Variants in SHISA6 observed in about 807,000 individuals in gnomAD.
The protein encoded by SHISA6 is protein shisa-6.
A neutral mutation model predicts 47.9 loss-of-function variants in SHISA6; 22 were observed. The observed-to-expected ratio is 0.46, with a 90% CI of 0.33 to 0.66. The LOEUF (loss-of-function observed/expected upper bound fraction) is 0.66, where lower values mean the gene tolerates loss of function less well. Among genes scored for constraint, SHISA6 ranks in the 30% least tolerant of loss-of-function variants. The pLI, the probability that SHISA6 is intolerant of heterozygous loss-of-function variation, is 0.02. For synonymous variants in SHISA6, 388 were observed against 337.8 expected, an observed-to-expected ratio of 1.15 and a Z score of -1.63; for missense variants, 680 against 764.6, an observed-to-expected ratio of 0.89 and a Z score of 1.30.
intron 2 of SHISA6, among the ~76,000 whole-genome samples, chr17:11,334,255 A>C (rs1183905453): frequency 1.3e-5 from 2 of 152,172 alleles, no homozygotes; most frequent in African/African-American, 2.4e-5. Context: ...TAGGTAGTAA[A>C]TATCAGAATT....
intron 2 of SHISA6, among the ~76,000 whole-genome samples, chr17:11,345,883 A>G (rs1015223865): frequency 7.3e-5 from 11 of 151,274 alleles, no homozygotes; most frequent in African/African-American, 2.7e-4. Flanking sequence ...GATTTTCTAT[A>G]TAAAAGATTA....
In SHISA6 at chr17:11,555,979, A is replaced by G. The variant is rs189202385; in HGVS notation, c.1105+87A>G. 5.9e-4 allele frequency: 806 copies of G among 1,373,020 alleles called. 6 individuals carry two copies. The African/African-American group carries it at 9.0e-3, about 15-fold the overall frequency. The allele number at this position is 1,373,020 out of a possible 1,614,324, so 85.1% of individuals were successfully genotyped here. A position where few individuals can be genotyped will look rare whatever the true frequency, so the allele number is the denominator to read the frequency against. On this transcript the variant is annotated intron_variant, in intron 5 of 5. Coordinates refer to ENST00000441885, the MANE Select transcript of SHISA6 (RefSeq NM_207386.4). ...CACACTCTCTTGCTCCATACCCCAT[A>G]GGACAGCTGTCAAATCCCAAGAATA...
chr17:11,361,913 C>G (rs1400242743), intron 2 of SHISA6, among the ~76,000 whole-genome samples: 2 of 152,094 alleles, frequency 1.3e-5, no homozygotes, highest in African/African-American at 4.8e-5. Context: ...TGTGGAAACT[C>G]AGAGATGGGG....
chr17:11,340,826 T>G (rs2142212561), intron 2 of SHISA6, among the ~76,000 whole-genome samples: 1 of 152,252 alleles, frequency 6.6e-6, no homozygotes, highest in Middle Eastern at 3.4e-3. Flanking sequence ...CAGTGACACA[T>G]GGAAGGAGAA....
intron 3 of SHISA6, among the ~76,000 whole-genome samples, chr17:11,546,574 G>A (rs888447383): frequency 3.2e-4 from 49 of 152,184 alleles, no homozygotes; most frequent in African/African-American, 1.1e-3. Flanking sequence ...AGCTGGGATG[G>A]CAATATAAAT....
intron 3 of SHISA6, among the ~76,000 whole-genome samples, chr17:11,507,936 G>C (rs2071513519): frequency 6.6e-6 from 1 of 152,206 alleles, no homozygotes; most frequent in African/African-American, 2.4e-5. Context: ...CCACACACAG[G>C]AGACATGAGG....
intron 3 of SHISA6, among the ~76,000 whole-genome samples, chr17:11,537,690 G>A (rs1399068312): frequency 6.6e-6 from 1 of 152,144 alleles, no homozygotes; most frequent in Admixed American, 6.5e-5. Context: ...ATGGCCTCTT[G>A]TTCATTTTCT....
intron 2 of SHISA6, among the ~76,000 whole-genome samples, chr17:11,358,423 G>C (rs1454751074): frequency 2.0e-5 from 3 of 150,758 alleles, no homozygotes. Flanking sequence ...GCAGTGGTGC[G>C]ATCGCCACTC....
intron 3 of SHISA6, among the ~76,000 whole-genome samples, chr17:11,545,361 T>G (rs1181333238): frequency 1.3e-5 from 2 of 152,110 alleles, no homozygotes; most frequent in Non-Finnish European, 2.9e-5. Context: ...AATGAACGAT[T>G]TATTGGTTGC....
chr17:11,495,519 C>A (rs1468332495), intron 3 of SHISA6, among the ~76,000 whole-genome samples: 1 of 152,174 alleles, frequency 6.6e-6, no homozygotes, highest in Non-Finnish European at 1.5e-5. Context: ...TGTGCTCCTT[C>A]TGTTTGTTGC....
At chr17:11,272,114 T>TG in intron 2 of SHISA6, among the ~76,000 whole-genome samples, 1 of 152,244 alleles carries the variant, frequency 6.6e-6, no homozygotes, top group African/African-American at 2.4e-5. Flanking sequence ...CCCACAGTTT[T>TG]GGGGGGTTCT....
intron 5 of SHISA6, among the ~76,000 whole-genome samples, chr17:11,556,315 C>G (rs1226794123): frequency 6.6e-6 from 1 of 152,174 alleles, no homozygotes; most frequent in Admixed American, 6.5e-5. Context: ...AGCTCCTTCT[C>G]CAACCCAGCC....
At chr17:11,350,972 A>G (rs940015393) in intron 2 of SHISA6, among the ~76,000 whole-genome samples, 18 of 152,210 alleles carry the variant, frequency 1.2e-4, no homozygotes, top group Admixed American at 3.9e-4. Flanking sequence ...ATAAAAAAGA[A>G]TGAGTTCATG....
chr17:11,408,994 G>A (rs1914039414), intron 3 of SHISA6, among the ~76,000 whole-genome samples: 1 of 152,046 alleles, frequency 6.6e-6, no homozygotes, highest in Admixed American at 6.5e-5. Flanking sequence ...AGAGCAAATG[G>A]AACCAGCACA....
At chr17:11,380,659 A>C (rs1912978167) in intron 3 of SHISA6, among the ~76,000 whole-genome samples, 1 of 152,196 alleles carries the variant, frequency 6.6e-6, no homozygotes, top group Non-Finnish European at 1.5e-5. Context: ...TTTACTCTCA[A>C]ACTTAGCGTT....
At chr17:11,365,480 G>A (rs1270568552) in intron 2 of SHISA6, among the ~76,000 whole-genome samples, 4 of 152,146 alleles carry the variant, frequency 2.6e-5, no homozygotes, top group Non-Finnish European at 4.4e-5. Flanking sequence ...GTTTTACCAT[G>A]TTGGCCAGGC....
chr17:11,252,848 T>C (rs145593962), intron 1 of SHISA6, among the ~76,000 whole-genome samples: 4 of 152,334 alleles, frequency 2.6e-5, no homozygotes, highest in East Asian at 1.9e-4. Context: ...CCACCTTCCC[T>C]GTTGGACTCA....
In SHISA6 at chr17:11,530,101, T is replaced by C. The variant is rs550606238; in HGVS notation, c.896-21795T>C. Among the ~76,000 whole-genome samples, 5 of 152,266 alleles carry C rather than the reference T, an allele frequency of 3.3e-5. No homozygotes were observed. In the South Asian group the frequency reaches 1.0e-3, roughly 32 times the overall value. ...GAATCAGAATTCTAATTCAGCACAT[T>C]TCTGACACCTTGAAATTAGAACCCC... On this transcript the variant is annotated intron_variant, in intron 3 of 5. Transcript: ENST00000441885.
intron 3 of SHISA6, among the ~76,000 whole-genome samples, chr17:11,406,158 A>G (rs1349221549): frequency 6.6e-6 from 1 of 152,208 alleles, no homozygotes; most frequent in African/African-American, 2.4e-5. Flanking sequence ...AGCAACCTGC[A>G]TGGTACATTT....
Sources: allele counts gnomAD v4.1 joint callset (sites outside exome capture counted in the v4.1 genomes callset), GRCh38; gene constraint gnomAD v4.1.1; transcripts MANE v1.5; gene names NCBI Gene and HGNC (gene_info 2026-07-23, HGNC 2026-07-21).